The following CNTN1 variants were observed in gnomAD, a reference collection of about 807,000 sequenced individuals.
CNTN1 encodes contactin 1, also known as contactin-1.
Under a neutral mutation model 126.4 loss-of-function variants are expected in CNTN1, and 38 were observed. The ratio of observed to expected loss-of-function variants is 0.30; its 90% CI spans 0.23 to 0.39. The LOEUF (loss-of-function observed/expected upper bound fraction) is 0.39, where lower values mean the gene tolerates loss of function less well. Ranked by LOEUF, CNTN1 falls within the 10% of genes least tolerant of loss-of-function variation. The pLI, the probability that CNTN1 is intolerant of heterozygous loss-of-function variation, is 1.00. For synonymous variants in CNTN1, 413 were observed against 422.6 expected (o/e 0.98, Z 0.28); for missense variants, 1,009 against 1,248.4 (o/e 0.81, Z 2.89).
At chr12:40,809,454 T>C (rs1940970396) in intron 1 of CNTN1, among the ~76,000 whole-genome samples, 1 of 152,128 alleles carries the variant, frequency 6.6e-6, no homozygotes, top group Admixed American at 6.6e-5. Flanking sequence ...TTATACAAAA[T>C]CATCTTATTA....
chr12:41,057,581 T>C (rs1394350934), intron 23 of CNTN1, among the ~76,000 whole-genome samples: 1 of 152,064 alleles, frequency 6.6e-6, no homozygotes, highest in Non-Finnish European at 1.5e-5. Flanking sequence ...TTAAGCACTT[T>C]AGTGGATATT....
chr12:40,829,542 A>T (rs1941736978), intron 1 of CNTN1, among the ~76,000 whole-genome samples: 1 of 152,180 alleles, frequency 6.6e-6, no homozygotes, highest in Non-Finnish European at 1.5e-5. Flanking sequence ...GATGATAATA[A>T]GAGCACAGCA....
chr12:40,730,603 C>A (rs1044654835), intron 1 of CNTN1, among the ~76,000 whole-genome samples: 1 of 152,248 alleles, frequency 6.6e-6, no homozygotes, highest in African/African-American at 2.4e-5. Context: ...GGAATGTATC[C>A]AATGACTACA....
Position 41,016,719 on chromosome 12 carries a change from G to T in CNTN1, c.2222G>T (p.Gly741Val). 1 of 1,613,938 alleles carries T rather than the reference G, an allele frequency of 6.2e-7. No homozygotes were observed. Among genetic ancestry groups the T allele is most frequent in the Non-Finnish European group, 8.5e-7 (1 of 1,179,904 alleles). ...GAATACCACTATGGCAACAATTTTG[G>T]TTACATAGTGGCATTTAAGCCATTT... is the stretch of plus-strand genomic sequence containing the variant. ...SREYHYGNNF[G>V]YIVAFKPFDG... The change falls in exon 19 of 24, where the codon GGT becomes GTT. Residue 741 changes from glycine to valine, a missense_variant. Transcript: ENST00000551295.
At chr12:41,058,595 CCT>C (rs1491143837) in intron 23 of CNTN1, among the ~76,000 whole-genome samples, 3 of 151,874 alleles carry the variant, frequency 2.0e-5, no homozygotes, top group African/African-American at 4.8e-5. Flanking sequence ...CTTTTTTTCC[CCT>C]TTTTTTAACT....
intron 1 of CNTN1, among the ~76,000 whole-genome samples, chr12:40,715,103 A>T (rs1021414917): frequency 6.6e-6 from 1 of 152,204 alleles, no homozygotes; most frequent in Non-Finnish European, 1.5e-5. Flanking sequence ...CTCTAAGCCC[A>T]TGATTGTTAA....
At chr12:40,877,401 C>G (rs1159191656) in intron 1 of CNTN1, among the ~76,000 whole-genome samples, 1 of 152,168 alleles carries the variant, frequency 6.6e-6, no homozygotes, top group Non-Finnish European at 1.5e-5. Flanking sequence ...GTACTAGTTC[C>G]TATTGTCATG....
intron 1 of CNTN1, among the ~76,000 whole-genome samples, chr12:40,824,402 A>G (rs1374643399): frequency 6.6e-6 from 1 of 152,166 alleles, no homozygotes; most frequent in Non-Finnish European, 1.5e-5. Flanking sequence ...TAATGTTTCT[A>G]AAGTCCTTAC....
At chr12:40,943,552 T>C in intron 12 of CNTN1, 45 bp from the exon 13 acceptor site, 1 of 1,393,946 alleles carries the variant, frequency 7.2e-7, no homozygotes, top group Non-Finnish European at 1.0e-6. Flanking sequence ...ATAATGTATT[T>C]TACTAAATCA....
chr12:40,744,082 A>C (rs1293136394), intron 1 of CNTN1, among the ~76,000 whole-genome samples: 2 of 152,058 alleles, frequency 1.3e-5, no homozygotes, highest in African/African-American at 4.8e-5. Flanking sequence ...GAAGCTGAAC[A>C]ATGAGAACAC....
chr12:40,971,637 T>C lies in CNTN1; in HGVS notation c.1805-9272T>C, dbSNP rs1473493994. The C allele has an allele frequency of 4.7e-6, 7 of 1,481,668 alleles. No homozygotes were observed. The Admixed American group carries it at 8.1e-5, about 17-fold the overall frequency. 91.8% of individuals were successfully genotyped at this position (1,481,668 alleles called of 1,614,324 possible). A position where few individuals can be genotyped will look rare whatever the true frequency, so the allele number is the denominator to read the frequency against. ...CCCCCAACCTAGTTCTTAGAGTATG[T>C]TTCCCCTTTTGAAACATGTAAACAT... On this transcript the variant is annotated intron_variant, in intron 15 of 23. Transcript: ENST00000551295.
chr12:40,881,709 A>G (rs2136698835), intron 1 of CNTN1, among the ~76,000 whole-genome samples: 1 of 152,004 alleles, frequency 6.6e-6, no homozygotes, highest in Admixed American at 6.5e-5. Flanking sequence ...ATTACATATA[A>G]AAGACTACCA....
chr12:40,904,019 G>C (rs1168448206), intron 1 of CNTN1, among the ~76,000 whole-genome samples: 1 of 151,802 alleles, frequency 6.6e-6, no homozygotes, highest in African/African-American at 2.4e-5. Flanking sequence ...TTTCTTTCTC[G>C]TCTCTTCTCT....
At chr12:41,034,110 G>A (rs1319526600) in intron 23 of CNTN1, among the ~76,000 whole-genome samples, 2 of 152,070 alleles carry the variant, frequency 1.3e-5, no homozygotes, top group Admixed American at 1.3e-4. Flanking sequence ...AGAAGGCAGT[G>A]GTGGATGTCT....
In CNTN1 at chr12:41,034,596, T is replaced by A. The variant is rs149859197; in HGVS notation, c.2980+5377T>A. ...GGAAATGCTGTCTCTTCAACCATCT[T>A]GAAATAACCAAATATTTTGTTTTCC... On this transcript the variant is annotated intron_variant, in intron 23 of 23. Transcript: ENST00000551295. Among the ~76,000 whole-genome samples the A allele has an allele frequency of 3.6e-3, 543 of 152,338 alleles. 4 individuals are homozygous for A. Among genetic ancestry groups the A allele is most frequent in the African/African-American group, 0.01 (435 of 41,582 alleles).
chr12:40,853,240 C>T (rs1942782203), intron 1 of CNTN1, among the ~76,000 whole-genome samples: 2 of 152,050 alleles, frequency 1.3e-5, no homozygotes, highest in South Asian at 2.1e-4. Flanking sequence ...GAACCATTGA[C>T]CCTAAGAGCA....
rs1942097853 is a variant in CNTN1, at chr12:40,837,341, T to C, written c.-76-71016T>C. ...AGAAGGGAGAGAGAGACAGTCTGCC[T>C]GCCCAGAATCAGCTGGAAGCTGGGA... On this transcript the variant is annotated intron_variant, in intron 1 of 23. Coordinates refer to ENST00000551295, the MANE Select transcript of CNTN1 (RefSeq NM_001843.4). Among the ~76,000 whole-genome samples the C allele has an allele frequency of 2.0e-5, 3 of 152,182 alleles. No individual in the cohort carries two copies. In the South Asian group the frequency reaches 6.2e-4, roughly 31 times the overall value.
intron 6 of CNTN1, among the ~76,000 whole-genome samples, chr12:40,925,984 TC>T (rs1310360425): frequency 1.3e-5 from 2 of 151,300 alleles, no homozygotes; most frequent in Non-Finnish European, 2.9e-5. Context: ...CTTCACTGCA[TC>T]ACTCATTGAC....
chr12:40,998,250 G>A (rs1181625746), intron 17 of CNTN1, among the ~76,000 whole-genome samples: 2 of 152,112 alleles, frequency 1.3e-5, no homozygotes, highest in Non-Finnish European at 2.9e-5. Context: ...TAAACAAATA[G>A]TCTGTAACTG....
Sources: allele counts gnomAD v4.1 joint callset (sites outside exome capture counted in the v4.1 genomes callset), GRCh38; gene constraint gnomAD v4.1.1; transcripts MANE v1.5; gene names NCBI Gene and HGNC (gene_info 2026-07-23, HGNC 2026-07-21).